KCNMA1: variants seen among roughly 807,000 people sequenced by gnomAD.
KCNMA1 encodes the protein Calcium-activated potassium channel subunit alpha-1.
Under a neutral mutation model 140.0 loss-of-function variants are expected in KCNMA1, and 29 were observed. The observed-to-expected ratio is 0.21, with a 90% CI of 0.15 to 0.28. KCNMA1 has a LOEUF of 0.28. Ranked by LOEUF, KCNMA1 falls within the 10% of genes least tolerant of loss-of-function variation. KCNMA1 has a pLI of 1.00. For synonymous variants in KCNMA1, 612 were observed against 611.9 expected, an observed-to-expected ratio of 1.00 and a Z score of 0.00; for missense variants, 880 against 1,602.2, an observed-to-expected ratio of 0.55 and a Z score of 7.70.
intron 3 of KCNMA1, among the ~76,000 whole-genome samples, chr10:77,207,316 A>T (rs1204773112): frequency 6.6e-6 from 1 of 152,192 alleles, no homozygotes; most frequent in Non-Finnish European, 1.5e-5. Context: ...AACACATTGC[A>T]TAATTTAGAG....
chr10:77,118,803 T>C (rs2097536408), intron 6 of KCNMA1, among the ~76,000 whole-genome samples: 3 of 152,206 alleles, frequency 2.0e-5, no homozygotes, highest in African/African-American at 7.2e-5. Flanking sequence ...CCTGGCCCCC[T>C]ACGCAGCAAG....
intron 2 of KCNMA1, among the ~76,000 whole-genome samples, chr10:77,299,353 G>A (rs193049055): frequency 6.6e-6 from 1 of 152,244 alleles, no homozygotes; most frequent in East Asian, 1.9e-4. Flanking sequence ...TGCAGTGAGG[G>A]TCCTAAGGAG....
Position 76,923,822 on chromosome 10 carries a change from AAAAC to A in KCNMA1, c.2903-8777_2903-8774del, listed in dbSNP as rs140429877. Among the ~76,000 whole-genome samples the A allele has an allele frequency of 1.1e-3, 162 of 152,104 alleles. 2 individuals are homozygous for A. The highest frequency in any genetic ancestry group is 3.4e-3 in the African/African-American group (142 of 41,440). On this transcript the variant is annotated intron_variant, in intron 23 of 27. Coordinates refer to ENST00000286628, the MANE Select transcript of KCNMA1 (RefSeq NM_001161352.2). ...ACATGGTGAAACCTCGTCTCTACTA[AAAAC>A]AAACAAACAAACAAACAAACACAAA...
chr10:77,366,464 C>T (rs1464238200), intron 2 of KCNMA1, among the ~76,000 whole-genome samples: 1 of 152,154 alleles, frequency 6.6e-6, no homozygotes, highest in Non-Finnish European at 1.5e-5. Flanking sequence ...CCACCACGCC[C>T]GGCCACATGT....
At chr10:77,295,863 G>A (rs1360977316) in intron 2 of KCNMA1, among the ~76,000 whole-genome samples, 1 of 149,392 alleles carries the variant, frequency 6.7e-6, no homozygotes, top group Non-Finnish European at 1.5e-5. Flanking sequence ...AGAAACTGGG[G>A]ATGAAGAGAT....
At chr10:76,949,094 T>C (rs1289717846) in intron 22 of KCNMA1, 48 bp downstream of exon 22, 8 of 1,389,670 alleles carry the variant, frequency 5.8e-6, no homozygotes. Context: ...GATTTTCTTT[T>C]GTGAATGAAA....
intron 1 of KCNMA1, among the ~76,000 whole-genome samples, chr10:77,533,981 G>T (rs2058305677): frequency 6.6e-6 from 1 of 152,086 alleles, no homozygotes; most frequent in Admixed American, 6.6e-5. Context: ...GCCAAAGCTG[G>T]CCCACTATGC....
chr10:77,557,890 T>A (rs530822043), intron 1 of KCNMA1, among the ~76,000 whole-genome samples: 2 of 152,264 alleles, frequency 1.3e-5, no homozygotes, highest in South Asian at 2.1e-4. Context: ...CCTCAGGTGA[T>A]CTGCCGGCCT....
chr10:77,461,025 G>C (rs1402936409), intron 1 of KCNMA1, among the ~76,000 whole-genome samples: 1 of 152,044 alleles, frequency 6.6e-6, no homozygotes, highest in African/African-American at 2.4e-5. Flanking sequence ...AGAATTACTT[G>C]AACACGGGAG....
chr10:76,974,514 G>A (rs267602585), intron 19 of KCNMA1: 7 of 1,549,746 alleles, frequency 4.5e-6, no homozygotes, highest in East Asian at 4.9e-5. Flanking sequence ...CGAGAATTGG[G>A]AGTCTCCTTC....
intron 1 of KCNMA1, among the ~76,000 whole-genome samples, chr10:77,506,596 A>AGTGTGTGTGT (rs796386759): frequency 1.3e-4 from 11 of 83,564 alleles, no homozygotes; most frequent in East Asian, 4.4e-4. Context: ...AGAGAGAGAG[A>AGTGTGTGTGT]GTGTGTGTGT....
At chr10:77,560,284 C>T (rs1403517753) in intron 1 of KCNMA1, among the ~76,000 whole-genome samples, 1 of 152,198 alleles carries the variant, frequency 6.6e-6, no homozygotes, top group Non-Finnish European at 1.5e-5. Context: ...TCAACTGAAA[C>T]AACAGCACAG....
At chr10:77,319,764 C>T (rs1269730813) in intron 2 of KCNMA1, among the ~76,000 whole-genome samples, 2 of 152,198 alleles carry the variant, frequency 1.3e-5, no homozygotes, top group African/African-American at 4.8e-5. Flanking sequence ...CCTGCCAAGA[C>T]GGTGCTGGAA....
intron 2 of KCNMA1, among the ~76,000 whole-genome samples, chr10:77,299,103 G>A (rs1234565003): frequency 6.6e-6 from 1 of 152,210 alleles, no homozygotes; most frequent in Non-Finnish European, 1.5e-5. Context: ...TTAAAAGCCA[G>A]AAGACTATTT....
chr10:77,160,987 A>C (rs1477638231), intron 5 of KCNMA1, among the ~76,000 whole-genome samples: 1 of 152,190 alleles, frequency 6.6e-6, no homozygotes, highest in African/African-American at 2.4e-5. Flanking sequence ...TTGACTTACG[A>C]GCCTATTTTT....
intron 1 of KCNMA1, among the ~76,000 whole-genome samples, chr10:77,626,955 T>C (rs1467907923): frequency 1.3e-5 from 2 of 152,214 alleles, no homozygotes; most frequent in African/African-American, 4.8e-5. Flanking sequence ...AATTCTTTTT[T>C]CCTTGGTGTC....
intron 2 of KCNMA1, among the ~76,000 whole-genome samples, chr10:77,348,817 C>T (rs1300048812): frequency 6.6e-6 from 1 of 152,192 alleles, no homozygotes; most frequent in Admixed American, 6.5e-5. Context: ...TTAAGTGCTT[C>T]TGTCCTGAGG....
chr10:77,209,928 CA>C (rs34004473), intron 3 of KCNMA1, among the ~76,000 whole-genome samples: 3,057 of 128,138 alleles, frequency 0.024, 96 homozygotes, highest in African/African-American at 0.08. Flanking sequence ...ACCTACCAAC[CA>C]AAAAAAAAAA....
chr10:77,466,194 C>T (rs2098007364), intron 1 of KCNMA1, among the ~76,000 whole-genome samples: 1 of 152,204 alleles, frequency 6.6e-6, no homozygotes, highest in South Asian at 2.1e-4. Context: ...GGACTCTCCA[C>T]ACCCACTCTC....
Sources: gnomAD v4.1 joint callset for allele counts (sites outside exome capture counted in the v4.1 genomes callset) on GRCh38, gnomAD v4.1.1 for gene constraint, MANE v1.5 for transcripts, NCBI Gene and HGNC (gene_info 2026-07-23, HGNC 2026-07-21) for gene names.